Variants in MAN1A1 observed in about 807,000 individuals in gnomAD.
MAN1A1 encodes the protein mannosidase alpha class 1A member 1, also known as mannosyl-oligosaccharide 1,2-alpha-mannosidase IA.
In MAN1A1, 29 loss-of-function variants were observed where a neutral mutation model predicts 70.8. The ratio of observed to expected loss-of-function variants is 0.41; its 90% CI spans 0.31 to 0.56. The LOEUF (loss-of-function observed/expected upper bound fraction) is 0.56, where lower values mean the gene tolerates loss of function less well. Among genes scored for constraint, MAN1A1 ranks in the 20% least tolerant of loss-of-function variants. The pLI is 0.29. For missense variants in MAN1A1, 747 were observed against 841.3 expected, an observed-to-expected ratio of 0.89 and a Z score of 1.39; for synonymous variants, 349 against 330.1, an observed-to-expected ratio of 1.06 and a Z score of -0.62.
intron 5 of MAN1A1, among the ~76,000 whole-genome samples, chr6:119,286,897 A>G (rs913313070): frequency 6.6e-6 from 1 of 152,016 alleles, no homozygotes; most frequent in Non-Finnish European, 1.5e-5. Context: ...CCATATTTAT[A>G]TTCACCATAG....
At chr6:119,255,773 T>A (rs1240571721) in intron 5 of MAN1A1, among the ~76,000 whole-genome samples, 1 of 152,208 alleles carries the variant, frequency 6.6e-6, no homozygotes, top group Non-Finnish European at 1.5e-5. Flanking sequence ...CCAGAGGGAC[T>A]CTCCCCTGTG....
chr6:119,180,980 G>A (rs1410208726), intron 11 of MAN1A1, among the ~76,000 whole-genome samples: 1 of 152,090 alleles, frequency 6.6e-6, no homozygotes. Context: ...TTTAGTTTTG[G>A]AAAAATTTTT....
intron 11 of MAN1A1, 82 bp downstream of exon 11, chr6:119,188,323 T>A: frequency 7.7e-7 from 1 of 1,304,272 alleles, no homozygotes; most frequent in Non-Finnish European, 1.1e-6. Context: ...ATAGAAAAGT[T>A]GATAAGCCTG....
intron 9 of MAN1A1, among the ~76,000 whole-genome samples, chr6:119,193,202 AG>A (rs1278377245): frequency 6.6e-6 from 1 of 151,260 alleles, no homozygotes; most frequent in Non-Finnish European, 1.5e-5. Flanking sequence ...CTTCATTTAA[AG>A]GAGCTACCTA....
chr6:119,313,832 A>T (rs1483344764), intron 2 of MAN1A1, among the ~76,000 whole-genome samples: 1 of 152,038 alleles, frequency 6.6e-6, no homozygotes, highest in Non-Finnish European at 1.5e-5. Context: ...AGGGGTCAGA[A>T]CATTTGAAGG....
chr6:119,265,402 T>C, intron 5 of MAN1A1, among the ~76,000 whole-genome samples: 1 of 152,156 alleles, frequency 6.6e-6, no homozygotes, highest in South Asian at 2.1e-4. Flanking sequence ...CCTGGCCTCA[T>C]TAAAATTCTT....
chr6:119,196,694 G>C (rs928169571), intron 8 of MAN1A1, among the ~76,000 whole-genome samples: 1 of 152,110 alleles, frequency 6.6e-6, no homozygotes, highest in African/African-American at 2.4e-5. Flanking sequence ...AAAGAATCAA[G>C]ACAAAGAAGA....
At chr6:119,300,022 CA>C (rs1222481224) in intron 4 of MAN1A1, among the ~76,000 whole-genome samples, 1 of 152,116 alleles carries the variant, frequency 6.6e-6, no homozygotes, top group Non-Finnish European at 1.5e-5. Flanking sequence ...TGGACCAACC[CA>C]AGATTCAGTA....
At chr6:119,339,516 G>C (rs1773546310) in intron 2 of MAN1A1, among the ~76,000 whole-genome samples, 1 of 152,096 alleles carries the variant, frequency 6.6e-6, no homozygotes, top group Non-Finnish European at 1.5e-5. Flanking sequence ...CCCGGCGTCG[G>C]GGGGTGGGAA....
chr6:119,210,533 T>A (rs1325426497), intron 6 of MAN1A1, among the ~76,000 whole-genome samples: 5 of 152,232 alleles, frequency 3.3e-5, no homozygotes, highest in African/African-American at 1.2e-4. Flanking sequence ...GTGCATACTA[T>A]CTGACTAAAC....
chr6:119,209,066 G>C (rs1415929341), intron 6 of MAN1A1, among the ~76,000 whole-genome samples: 1 of 146,410 alleles, frequency 6.8e-6, no homozygotes, highest in African/African-American at 2.6e-5. Context: ...ACTCTAGCCA[G>C]GGTGATAGAG....
At chr6:119,230,445 C>T (rs1024386713) in intron 6 of MAN1A1, among the ~76,000 whole-genome samples, 3 of 152,146 alleles carry the variant, frequency 2.0e-5, no homozygotes, top group African/African-American at 7.2e-5. Flanking sequence ...CTTTGCCATC[C>T]TTCAGCCTCT....
upstream of MAN1A1, chr6:119,350,566 T>G: frequency 3.0e-6 from 3 of 985,256 alleles, no homozygotes; most frequent in South Asian, 9.4e-5. Flanking sequence ...GAAGACGAGT[T>G]TTATGCTGCG....
intron 2 of MAN1A1, among the ~76,000 whole-genome samples, chr6:119,324,937 T>C (rs774627953): frequency 4.6e-5 from 7 of 152,144 alleles, no homozygotes; most frequent in Non-Finnish European, 1.0e-4. Flanking sequence ...ATACACTAGA[T>C]GTCTGTATCT....
At chr6:119,198,526 A>G (rs1216938985) in intron 8 of MAN1A1, among the ~76,000 whole-genome samples, 1 of 152,206 alleles carries the variant, frequency 6.6e-6, no homozygotes, top group East Asian at 1.9e-4. Flanking sequence ...AATAATACCT[A>G]TATTTACTAC....
At chr6:119,228,334 C>T (rs889461822) in intron 6 of MAN1A1, among the ~76,000 whole-genome samples, 34 of 152,152 alleles carry the variant, frequency 2.2e-4, no homozygotes, top group African/African-American at 8.2e-4. Flanking sequence ...TTGGGTAACA[C>T]AAATGATCAT....
chr6:119,324,858 C>G lies in MAN1A1; in HGVS notation c.604-17866G>C, dbSNP rs942903475. ...ACTACTGAAATTCGGGCTGGATAAG[C>G]CTGTGTTTGGGGGGTTGGGGAGGGC... is the stretch of plus-strand genomic sequence containing the variant. On this transcript the variant is annotated intron_variant, in intron 2 of 12. Transcript: ENST00000368468. Among the ~76,000 whole-genome samples, 4 of 152,170 alleles carry G rather than the reference C, an allele frequency of 2.6e-5. No individual in the cohort carries two copies. In the East Asian group the frequency reaches 7.7e-4, roughly 29 times the overall value.
At chr6:119,346,327 T>C (rs1430707706) in intron 2 of MAN1A1, among the ~76,000 whole-genome samples, 2 of 152,232 alleles carry the variant, frequency 1.3e-5, no homozygotes, top group African/African-American at 4.8e-5. Flanking sequence ...TTTTTTTCTT[T>C]TGGTTTACAA....
At chr6:119,273,496 C>T (rs369412154) in intron 5 of MAN1A1, among the ~76,000 whole-genome samples, 6 of 152,248 alleles carry the variant, frequency 3.9e-5, no homozygotes, top group African/African-American at 1.4e-4. Context: ...TGATCTGCTG[C>T]ACTCCCTTAC....
Sources: allele counts gnomAD v4.1 joint callset (sites outside exome capture counted in the v4.1 genomes callset), GRCh38; gene constraint gnomAD v4.1.1; transcripts MANE v1.5; gene names NCBI Gene and HGNC (gene_info 2026-07-23, HGNC 2026-07-21).